The following LOC400499 variants were observed in gnomAD, a reference collection of about 807,000 sequenced individuals.
At chr16:11,511,211 G>T in the LOC400499 span, among the ~76,000 whole-genome samples, 1 of 152,034 alleles carries the variant, frequency 6.6e-6, no homozygotes, top group Non-Finnish European at 1.5e-5. Flanking sequence ...TTGCCAGACT[G>T]GTGTCAAACT....
At chr16:11,428,971 C>T in the LOC400499 span, among the ~76,000 whole-genome samples, 1 of 152,036 alleles carries the variant, frequency 6.6e-6, no homozygotes, top group Non-Finnish European at 1.5e-5. Context: ...TAGGGACTCC[C>T]ACGGGGCAAA....
chr16:11,476,539 A>G, the LOC400499 span, among the ~76,000 whole-genome samples: 1 of 151,790 alleles, frequency 6.6e-6, no homozygotes. Flanking sequence ...ACAGCAGCTC[A>G]TACATTCTCA....
At chr16:11,398,628 C>T in the LOC400499 span, 2 of 745,352 alleles carry the variant, frequency 2.7e-6, no homozygotes, top group Non-Finnish European at 3.7e-6. Context: ...CGTCAGAGCT[C>T]TCATCAGCCA....
the LOC400499 span, among the ~76,000 whole-genome samples, chr16:11,413,195 C>T: frequency 2.0e-5 from 3 of 152,152 alleles, no homozygotes; most frequent in African/African-American, 7.2e-5. Context: ...GCCCAGACGT[C>T]GACAGAGAAT....
the LOC400499 span, chr16:11,469,413 C>T: frequency 4.8e-5 from 19 of 398,756 alleles, no homozygotes; most frequent in Non-Finnish European, 8.0e-5. Flanking sequence ...CAGGAGGTCA[C>T]AGACAAACCT....
chr16:11,441,058 C>T, the LOC400499 span: 2 of 399,024 alleles, frequency 5.0e-6, no homozygotes, highest in African/African-American at 2.1e-5. Context: ...AAAGTGGCCT[C>T]GACCTCTCTG....
the LOC400499 span, among the ~76,000 whole-genome samples, chr16:11,405,092 G>A: frequency 6.6e-6 from 1 of 152,232 alleles, no homozygotes; most frequent in East Asian, 1.9e-4. Context: ...ACAGGAGACA[G>A]CACAGAACAG....
At chr16:11,444,861 G>A in the LOC400499 span, among the ~76,000 whole-genome samples, 1 of 151,926 alleles carries the variant, frequency 6.6e-6, no homozygotes, top group African/African-American at 2.4e-5. Flanking sequence ...TGGGAGGATG[G>A]CTTAGAGTCC....
At chr16:11,484,962 GC>G in the LOC400499 span, 1 of 399,352 alleles carries the variant, frequency 2.5e-6, no homozygotes, top group Non-Finnish European at 4.4e-6. Flanking sequence ...CCTGGTTCTG[GC>G]CCTGGGGGTT....
At chr16:11,460,783 T>A in the LOC400499 span, among the ~76,000 whole-genome samples, 1 of 152,238 alleles carries the variant, frequency 6.6e-6, no homozygotes. Context: ...GATGGGTGAA[T>A]GTCTCCTCAA....
At chr16:11,489,140 C>G in the LOC400499 span, among the ~76,000 whole-genome samples, 1 of 152,304 alleles carries the variant, frequency 6.6e-6, no homozygotes, top group East Asian at 1.9e-4. Context: ...AAAAGTCAGA[C>G]CTGAGTCTGA....
At chr16:11,388,226 G>T in the LOC400499 span, among the ~76,000 whole-genome samples, 321 of 152,192 alleles carry the variant, frequency 2.1e-3, 2 homozygotes, top group African/African-American at 7.3e-3. Context: ...GCAGTGACAG[G>T]ATCCCACTCA....
chr16:11,387,698 A>C, the LOC400499 span, among the ~76,000 whole-genome samples: 1 of 151,860 alleles, frequency 6.6e-6, no homozygotes, highest in Non-Finnish European at 1.5e-5. Flanking sequence ...CACAATCTCA[A>C]CTCACTGCAA....
the LOC400499 span, among the ~76,000 whole-genome samples, chr16:11,490,005 T>C: frequency 2.0e-5 from 3 of 152,128 alleles, no homozygotes; most frequent in Admixed American, 2.0e-4. Context: ...AAATGGGTTA[T>C]AGTACAAACT....
chr16:11,440,804 T>C, the LOC400499 span: 1 of 398,944 alleles, frequency 2.5e-6, no homozygotes, highest in African/African-American at 2.1e-5. Context: ...TGTCTAAAGA[T>C]GATGCCCCCA....
chr16:11,440,622 T>A, the LOC400499 span: 31 of 398,046 alleles, frequency 7.8e-5, no homozygotes, highest in African/African-American at 4.7e-4. Context: ...CCCAGGGTCA[T>A]GTCTCCTGCC....
the LOC400499 span, chr16:11,446,991 G>C: frequency 7.0e-7 from 1 of 1,435,032 alleles, no homozygotes; most frequent in Non-Finnish European, 9.2e-7. Context: ...CACGGTCTCA[G>C]CCTGGGCCTG....
At chr16:11,446,644 G>T in the LOC400499 span, 4 of 1,535,770 alleles carry the variant, frequency 2.6e-6, no homozygotes, top group Admixed American at 7.8e-5. Flanking sequence ...GACCTGGGAG[G>T]GACAACCACA....
the LOC400499 span, among the ~76,000 whole-genome samples, chr16:11,483,738 G>A: frequency 6.6e-6 from 1 of 150,896 alleles, no homozygotes; most frequent in African/African-American, 2.4e-5. Context: ...AGATAGGCAT[G>A]ATGGCACATG....
Sources: allele counts gnomAD v4.1 joint callset (sites outside exome capture counted in the v4.1 genomes callset), GRCh38; gene constraint gnomAD v4.1.1; transcripts MANE v1.5.